TCERG1L: variants seen among roughly 807,000 people sequenced by gnomAD.
TCERG1L encodes the protein transcription elongation regulator 1 like, also known as transcription elongation regulator 1-like protein.
In TCERG1L, 37 loss-of-function variants were observed where a neutral mutation model predicts 56.3. That is an observed-to-expected ratio of 0.66 (90% CI 0.51 to 0.87). TCERG1L has a LOEUF of 0.87. TCERG1L is among the 40% of genes least tolerant of loss of function. The pLI is 0.00. For synonymous variants in TCERG1L, 324 were observed against 326.3 expected (o/e 0.99, Z 0.08); for missense variants, 799 against 774.2 (o/e 1.03, Z -0.38).
At chr10:131,124,191 C>T (rs1739586748) in intron 8 of TCERG1L, among the ~76,000 whole-genome samples, 1 of 152,180 alleles carries the variant, frequency 6.6e-6, no homozygotes, top group South Asian at 2.1e-4. Context: ...TGGCCTCTGA[C>T]AGGTCTCCAA....
At chr10:131,307,491 A>G (rs1360135091) in intron 3 of TCERG1L, among the ~76,000 whole-genome samples, 1 of 152,228 alleles carries the variant, frequency 6.6e-6, no homozygotes. Context: ...GAAGCCATAA[A>G]ATATTCCATA....
intron 4 of TCERG1L, among the ~76,000 whole-genome samples, chr10:131,234,458 C>CT (rs917959130): frequency 7.2e-5 from 11 of 152,008 alleles, no homozygotes; most frequent in Admixed American, 3.3e-4. Context: ...CTATTAAAAC[C>CT]TTTTTTTTAT....
At chr10:131,140,363 A>G (rs1845721632) in intron 7 of TCERG1L, among the ~76,000 whole-genome samples, 1 of 152,134 alleles carries the variant, frequency 6.6e-6, no homozygotes, top group Middle Eastern at 3.4e-3. Flanking sequence ...GCCCTCTCTG[A>G]TGGGGCCTCC....
intron 8 of TCERG1L, among the ~76,000 whole-genome samples, chr10:131,125,046 T>C (rs542775794): frequency 6.6e-6 from 1 of 152,220 alleles, no homozygotes; most frequent in Non-Finnish European, 1.5e-5. Flanking sequence ...GTGGAAAAAC[T>C]GACTTAATGC....
chr10:131,188,852 A>G (rs1216891645), intron 4 of TCERG1L, among the ~76,000 whole-genome samples: 2 of 152,260 alleles, frequency 1.3e-5, no homozygotes, highest in Non-Finnish European at 2.9e-5. Context: ...ACGGAAAGTA[A>G]TAAATGTCAC....
At chr10:131,093,374 A>G in intron 11 of TCERG1L, 56 bp from the exon 12 acceptor site, 3 of 1,589,406 alleles carry the variant, frequency 1.9e-6, no homozygotes, top group Non-Finnish European at 2.6e-6. Context: ...TGGCCTCCCC[A>G]GAGATCCTGC....
At chr10:131,278,748 G>A (rs574374523) in intron 3 of TCERG1L, among the ~76,000 whole-genome samples, 10 of 152,186 alleles carry the variant, frequency 6.6e-5, no homozygotes, top group Admixed American at 4.6e-4. Flanking sequence ...TGGTGTCCTC[G>A]CCTGCCCAGG....
chr10:131,306,679 A>C (rs1184150279), intron 3 of TCERG1L, among the ~76,000 whole-genome samples: 1 of 152,168 alleles, frequency 6.6e-6, no homozygotes, highest in African/African-American at 2.4e-5. Flanking sequence ...ATTTGTAAAA[A>C]TTTAAAAAAT....
In TCERG1L at chr10:131,092,977, A is replaced by T. The variant is rs1845195413; in HGVS notation, c.*185T>A. ...TGATTAGAAATGCATCAAACTCTGA[A>T]TGTACAAAAGAGAGAGCTTCAATAT... On this transcript the variant is annotated 3_prime_UTR_variant, in exon 12 of 12. Transcript: ENST00000368642. 1.1e-5 allele frequency: 6 copies of T among 557,666 alleles called. No homozygotes were observed. The highest frequency in any genetic ancestry group is 6.9e-5 in the Admixed American group (2 of 28,902). 34.5% of individuals were successfully genotyped at this position (557,666 alleles called of 1,614,324 possible). A position where few individuals can be genotyped will look rare whatever the true frequency, so the allele number is the denominator to read the frequency against.
chr10:131,137,993 G>A (rs544401433), intron 7 of TCERG1L, among the ~76,000 whole-genome samples: 1 of 152,316 alleles, frequency 6.6e-6, no homozygotes, highest in African/African-American at 2.4e-5. Flanking sequence ...TAGAGGCTGA[G>A]TGCGATGGCT....
intron 6 of TCERG1L, among the ~76,000 whole-genome samples, chr10:131,158,917 C>T (rs1213184922): frequency 1.3e-5 from 2 of 152,224 alleles, no homozygotes; most frequent in Admixed American, 1.3e-4. Context: ...GCCATGCCTG[C>T]TCACCCCGCC....
chr10:131,286,963 T>C (rs574945521), intron 3 of TCERG1L, among the ~76,000 whole-genome samples: 45 of 152,324 alleles, frequency 3.0e-4, no homozygotes, highest in South Asian at 2.1e-3. Context: ...TCAAAGATAA[T>C]ATCAAAGAAG....
At chr10:131,154,094 T>C (rs1197921066) in intron 6 of TCERG1L, among the ~76,000 whole-genome samples, 1 of 152,226 alleles carries the variant, frequency 6.6e-6, no homozygotes, top group East Asian at 1.9e-4. Context: ...TGTGTTCCCC[T>C]TCTTTAATCA....
At chr10:131,297,463 G>A (rs901858920) in intron 3 of TCERG1L, among the ~76,000 whole-genome samples, 57 of 152,088 alleles carry the variant, frequency 3.7e-4, no homozygotes, top group African/African-American at 1.4e-3. Context: ...AAATATGGCT[G>A]GATTTGATTT....
chr10:131,123,272 G>T (rs908922518), intron 8 of TCERG1L, among the ~76,000 whole-genome samples: 7 of 152,316 alleles, frequency 4.6e-5, no homozygotes, highest in South Asian at 2.1e-4. Context: ...AGTAAATTGG[G>T]TGGTGTAATC....
At chr10:131,209,026 C>A (rs1020459990) in intron 4 of TCERG1L, among the ~76,000 whole-genome samples, 3 of 143,458 alleles carry the variant, frequency 2.1e-5, no homozygotes, top group Non-Finnish European at 4.5e-5. Context: ...CCACTGCACT[C>A]CAGCCTGGGT....
At chr10:131,124,595 G>C (rs1845546251) in intron 8 of TCERG1L, among the ~76,000 whole-genome samples, 1 of 152,148 alleles carries the variant, frequency 6.6e-6, no homozygotes, top group South Asian at 2.1e-4. Flanking sequence ...CGCCATGCAG[G>C]AGCGGAGAGC....
chr10:131,116,351 G>A (rs532671968), intron 9 of TCERG1L, among the ~76,000 whole-genome samples: 13 of 152,304 alleles, frequency 8.5e-5, no homozygotes, highest in Admixed American at 3.9e-4. Flanking sequence ...CGGGCACCGC[G>A]ACTGGCCCAG....
Position 131,308,340 on chromosome 10 carries a change from C to G in TCERG1L, c.541G>C (p.Glu181Gln). The change falls in exon 3 of 12, where the codon GAG (glutamate) becomes CAG (glutamine). Residue 181 changes from glutamate to glutamine, a missense_variant. Physicochemically the swap from Glu to Gln is conservative, Grantham distance 29. Coordinates refer to ENST00000368642, the MANE Select transcript of TCERG1L (RefSeq NM_174937.4). ...ALDSTWIHPE[E>Q]SRFFHGHEKP... ...TCATGCCCATGGAAAAACCTTGACTCCTCAGGATGTATCCACGTTGAGTCC... is the reference window on the plus strand; with the variant it reads ...TCATGCCCATGGAAAAACCTTGACTGCTCAGGATGTATCCACGTTGAGTCC... The G allele has an allele frequency of 6.2e-7, 1 of 1,613,912 alleles. No homozygotes were observed. Among genetic ancestry groups the G allele is most frequent in the South Asian group, 1.1e-5 (1 of 91,074 alleles).
Sources: gnomAD v4.1 joint callset for allele counts (sites outside exome capture counted in the v4.1 genomes callset) on GRCh38, gnomAD v4.1.1 for gene constraint, MANE v1.5 for transcripts, NCBI Gene and HGNC (gene_info 2026-07-23, HGNC 2026-07-21) for gene names.